Variants in NUP133 observed in about 807,000 individuals in gnomAD.
NUP133 encodes the protein nucleoporin 133, also known as nuclear pore complex protein Nup133.
A neutral mutation model predicts 146.2 loss-of-function variants in NUP133; 66 were observed. The observed-to-expected ratio is 0.45, with a 90% confidence interval of 0.37 to 0.55. The LOEUF (loss-of-function observed/expected upper bound fraction) is 0.55. Among genes scored for constraint, NUP133 ranks in the 20% least tolerant of loss-of-function variants. NUP133 has a pLI of 0.00. For synonymous variants in NUP133, 521 were observed against 498.8 expected, an observed-to-expected ratio of 1.04 and a Z score of -0.59; for missense variants, 1,277 against 1,374.8, an observed-to-expected ratio of 0.93 and a Z score of 1.12.
intron 25 of NUP133, among the ~76,000 whole-genome samples, chr1:229,444,531 G>A (rs1266134344): frequency 1.3e-5 from 2 of 151,652 alleles, no homozygotes; most frequent in Non-Finnish European, 1.5e-5. Flanking sequence ...CTACAAATCT[G>A]AATACTAATG....
rs549594265 is a variant in NUP133 at position 229,459,968 on chromosome 1, C to T, written c.2844+643G>A. Among the ~76,000 whole-genome samples the T allele has an allele frequency of 2.6e-5, 4 of 152,186 alleles. No individual in the cohort carries two copies. In the East Asian group the frequency reaches 7.7e-4, roughly 29 times the overall value. ...TTCCCATAATGGTTGTACTAACTTA[C>T]ATCCCCACCAAGAGTGCATCAGGGT... On this transcript the variant is annotated intron_variant, in intron 20 of 25. Transcript: ENST00000261396.
At chr1:229,471,160 G>C (rs1277331480) in intron 14 of NUP133, among the ~76,000 whole-genome samples, 10 of 152,058 alleles carry the variant, frequency 6.6e-5, no homozygotes, top group African/African-American at 2.4e-4. Context: ...CTGTCGCCCA[G>C]GCTGGAGTGC....
intron 25 of NUP133, among the ~76,000 whole-genome samples, chr1:229,444,002 A>C (rs1298299749): frequency 6.6e-6 from 1 of 151,224 alleles, no homozygotes; most frequent in Non-Finnish European, 1.5e-5. Context: ...TGGCCTCCCA[A>C]AGTGTGAGCC....
chr1:229,490,015 A>G lies in NUP133; in HGVS notation c.1134T>C (p.Asn378=), dbSNP rs748175684. 6.2e-7 allele frequency: 1 copy of G among 1,611,956 alleles called. No homozygotes were observed. Among genetic ancestry groups the G allele is most frequent in the Admixed American group, 1.7e-5 (1 of 59,856 alleles). Residue 378 remains asparagine (N), a synonymous_variant, in exon 9 of 26, where the codon AAT becomes AAC. Transcript: ENST00000261396. ...IYYSLITIED[N]GCQMSDAVTV... is the part of the protein sequence containing the mutation. ...TAACTGCATCTGACATTTGGCAACC[A>G]TTATCTTCTATTGTTATCAGAGAGT...
chr1:229,486,140 C>A (rs1291273902), intron 11 of NUP133, among the ~76,000 whole-genome samples: 5 of 152,012 alleles, frequency 3.3e-5, no homozygotes, highest in Non-Finnish European at 7.4e-5. Flanking sequence ...GCACTCTAGC[C>A]TGGGCAACAG....
At chr1:229,488,239 G>A (rs1303084679) in intron 9 of NUP133, among the ~76,000 whole-genome samples, 4 of 152,092 alleles carry the variant, frequency 2.6e-5, no homozygotes, top group Non-Finnish European at 1.5e-5. Flanking sequence ...AGGAGAAAAT[G>A]AAAGCACTAA....
In NUP133 at chr1:229,472,825, A is replaced by G. The variant is rs569520014; in HGVS notation, c.1852-2021T>C. On this transcript the variant is annotated intron_variant, in intron 14 of 25. Coordinates refer to ENST00000261396, the MANE Select transcript of NUP133 (RefSeq NM_018230.3). ...TGTATGAACACAGAGGCTTCCCTCA[A>G]CATCAGAAAACTAGAGGCAAGGGTA... Among the ~76,000 whole-genome samples, 73 of 151,950 alleles carry G rather than the reference A, an allele frequency of 4.8e-4. 2 individuals are homozygous for G. Among genetic ancestry groups the G allele is most frequent in the African/African-American group, 1.7e-3 (70 of 41,410 alleles).
chr1:229,479,479 T>C (rs1368532436), intron 12 of NUP133, among the ~76,000 whole-genome samples: 1 of 152,198 alleles, frequency 6.6e-6, no homozygotes, highest in Non-Finnish European at 1.5e-5. Flanking sequence ...AACGTATATA[T>C]ATGATTCAGT....
chr1:229,457,002 A>AT (rs1660584293), intron 21 of NUP133, among the ~76,000 whole-genome samples: 1 of 151,302 alleles, frequency 6.6e-6, no homozygotes, highest in Non-Finnish European at 1.5e-5. Context: ...TAAGTTTTAA[A>AT]TTTTTTGTAG....
chr1:229,476,802 T>C (rs1308870545), intron 13 of NUP133, among the ~76,000 whole-genome samples: 1 of 151,934 alleles, frequency 6.6e-6, no homozygotes, highest in Non-Finnish European at 1.5e-5. Context: ...TGCACACCTG[T>C]AATCTCAGCT....
At chr1:229,465,341 A>AG in intron 17 of NUP133, 79 bp downstream of exon 17, 1 of 1,114,130 alleles carries the variant, frequency 9.0e-7, no homozygotes, top group South Asian at 1.3e-5. Context: ...AACCTACGCT[A>AG]GGGGAATAAC....
chr1:229,463,234 G>A (rs1660731537), intron 19 of NUP133, among the ~76,000 whole-genome samples: 1 of 152,024 alleles, frequency 6.6e-6, no homozygotes, highest in South Asian at 2.1e-4. Flanking sequence ...ACTGAAAAAT[G>A]AACAAAATTA....
Position 229,475,541 on chromosome 1 carries a change from C to T in NUP133, c.1851+97G>A, listed in dbSNP as rs924569020. 6.1e-6 allele frequency: 5 copies of T among 824,092 alleles called. No homozygotes were observed. In the African/African-American group the frequency reaches 8.6e-5, roughly 14 times the overall value. 51.0% of individuals were successfully genotyped at this position (824,092 alleles called of 1,614,324 possible). On this transcript the variant is annotated intron_variant, in intron 14 of 25. Coordinates refer to ENST00000261396, the MANE Select transcript of NUP133 (RefSeq NM_018230.3). Reference sequence around the variant, plus strand: ...AATGGAAAACACCAGTCATGCCCCACCCAATGAAACACCTCAAAATAGAGA... The same window carrying T: ...AATGGAAAACACCAGTCATGCCCCATCCAATGAAACACCTCAAAATAGAGA...
At chr1:229,446,191 G>A (rs972985709) in intron 24 of NUP133, among the ~76,000 whole-genome samples, 1 of 152,132 alleles carries the variant, frequency 6.6e-6, no homozygotes, top group African/African-American at 2.4e-5. Context: ...CAGATCACCT[G>A]AGGTTGGGAG....
Position 229,498,211 on chromosome 1 carries a change from C to A in NUP133, c.744G>T (p.Gly248=). ...GACCAATTCCTGAAAGCATGCCTTG[C>A]CCCTGAGGCAGGATATGCTGATGAA... ...GKIHQHILPQ[G]QGMLSGIGRK... Residue 248 remains glycine (G), a synonymous_variant, in exon 6 of 26, where the codon GGG becomes GGT. Coordinates refer to ENST00000261396, the MANE Select transcript of NUP133 (RefSeq NM_018230.3). The A allele has an allele frequency of 6.2e-7, 1 of 1,613,410 alleles. No homozygotes were observed. Among genetic ancestry groups the A allele is most frequent in the Non-Finnish European group, 8.5e-7 (1 of 1,179,758 alleles).
At chr1:229,467,146 T>C (rs1430584416) in intron 15 of NUP133, among the ~76,000 whole-genome samples, 1 of 152,240 alleles carries the variant, frequency 6.6e-6, no homozygotes, top group East Asian at 1.9e-4. Context: ...AACTTGCTAA[T>C]TTCTTTCTTT....
chr1:229,448,963 C>G, intron 24 of NUP133, 163 bp downstream of exon 24: 1 of 633,756 alleles, frequency 1.6e-6, no homozygotes, highest in Middle Eastern at 4.2e-4. Context: ...AAAGGACATT[C>G]AGCTGGTGCC....
chr1:229,479,693 G>GC (rs933533846), intron 12 of NUP133, among the ~76,000 whole-genome samples: 1 of 151,984 alleles, frequency 6.6e-6, no homozygotes. Context: ...AAACTCAAGT[G>GC]CCTATGAAAT....
intron 11 of NUP133, among the ~76,000 whole-genome samples, chr1:229,484,655 TCA>T: frequency 6.6e-6 from 1 of 152,214 alleles, no homozygotes; most frequent in Non-Finnish European, 1.5e-5. Context: ...ACACGACTCA[TCA>T]CAGTGTATAC....
Sources: gnomAD v4.1 joint callset for allele counts (sites outside exome capture counted in the v4.1 genomes callset) on GRCh38, gnomAD v4.1.1 for gene constraint, MANE v1.5 for transcripts, NCBI Gene and HGNC (gene_info 2026-07-23, HGNC 2026-07-21) for gene names.